SOS1: variants seen among roughly 807,000 people sequenced by gnomAD.
The protein encoded by SOS1 is son of sevenless homolog 1.
SOS1 carries 25 observed loss-of-function variants against 157.6 expected under a neutral mutation model. The ratio of observed to expected loss-of-function variants is 0.16; its 90% CI spans 0.12 to 0.22. The LOEUF (loss-of-function observed/expected upper bound fraction) is 0.22. SOS1 is among the 10% of genes least tolerant of loss of function. The pLI is 1.00. For synonymous variants in SOS1, 528 were observed against 534.0 expected, an observed-to-expected ratio of 0.99 and a Z score of 0.16; for missense variants, 1,237 against 1,599.1, an observed-to-expected ratio of 0.77 and a Z score of 3.86.
At chr2:39,000,335 T>C (rs1051557072) in intron 17 of SOS1, among the ~76,000 whole-genome samples, 3 of 152,228 alleles carry the variant, frequency 2.0e-5, no homozygotes, top group African/African-American at 7.2e-5. Flanking sequence ...TTTCTCCCTA[T>C]ATACACATAT....
In SOS1 at chr2:39,120,538, CCCCCTCCGGGCGCCGCGCA is replaced by C. The variant is rs1409676799; in HGVS notation, c.-135_-117del. The C allele has an allele frequency of 1.8e-6, 2 of 1,090,906 alleles. No individual in the cohort carries two copies. Among genetic ancestry groups the C allele is most frequent in the South Asian group, 4.4e-5 (1 of 22,712 alleles). 67.6% of individuals were successfully genotyped at this position (1,090,906 alleles called of 1,614,324 possible). On this transcript the variant is annotated 5_prime_UTR_variant, in exon 1 of 23. Transcript: ENST00000402219. ...GCCGCGGCCCCACCGGACGGCCCGG[CCCCCTCCGGGCGCCGCGCA>C]GCCGGGCTAGCCCTGGCGAGGGGGC...
chr2:39,033,221 GAA>G (rs11383706), intron 8 of SOS1, among the ~76,000 whole-genome samples: 1 of 124,456 alleles, frequency 8.0e-6, no homozygotes, highest in African/African-American at 3.0e-5. Flanking sequence ...TAGGTGTGCA[GAA>G]AAAAAAAAAA....
chr2:38,997,557 C>A, intron 17 of SOS1, 132 bp from the exon 18 acceptor site: 1 of 589,716 alleles, frequency 1.7e-6, no homozygotes, highest in Non-Finnish European at 2.9e-6. Context: ...CTCAGATTTC[C>A]ATGATATGAA....
At chr2:39,025,000 C>CAATA (rs1669910874) in intron 8 of SOS1, among the ~76,000 whole-genome samples, 1 of 152,168 alleles carries the variant, frequency 6.6e-6, no homozygotes, top group Non-Finnish European at 1.5e-5. Flanking sequence ...AACTAATTGT[C>CAATA]AATACAGTAA....
intron 17 of SOS1, 33 bp downstream of exon 17, chr2:39,006,379 A>G: frequency 1.0e-6 from 1 of 985,716 alleles, no homozygotes; most frequent in South Asian, 1.3e-5. Context: ...TTTTATCCAG[A>G]AATGCAATAA....
chr2:39,023,685 AAATAAAGGACACT>A (rs1339191117), intron 9 of SOS1: 4 of 296,420 alleles, frequency 1.3e-5, no homozygotes, highest in Non-Finnish European at 2.5e-5. Flanking sequence ...ATAATCCCTA[AAATAAAGGACACT>A]AATAATTTTA....
intron 1 of SOS1, among the ~76,000 whole-genome samples, chr2:39,102,947 C>T (rs143688362): frequency 0.011 from 1,696 of 151,608 alleles, 18 homozygotes; most frequent in Non-Finnish European, 0.017. Flanking sequence ...AGGGCGAGAC[C>T]CTGTCTCAAA....
intron 1 of SOS1, among the ~76,000 whole-genome samples, chr2:39,114,460 C>T (rs895748959): frequency 3.9e-5 from 6 of 152,004 alleles, no homozygotes; most frequent in East Asian, 1.9e-4. Flanking sequence ...TGCGCCACCA[C>T]GCCCAGCTAA....
intron 1 of SOS1, among the ~76,000 whole-genome samples, chr2:39,098,620 T>C (rs934873684): frequency 2.0e-5 from 3 of 152,244 alleles, no homozygotes; most frequent in African/African-American, 7.2e-5. Flanking sequence ...CCGGGTGCGG[T>C]GGCTCACGCC....
intron 1 of SOS1, among the ~76,000 whole-genome samples, chr2:39,081,928 G>A (rs1672214526): frequency 6.6e-6 from 1 of 151,888 alleles, no homozygotes. Flanking sequence ...AAAAAATTTT[G>A]TGGGTACATA....
chr2:39,067,804 A>G (rs1671641234), intron 1 of SOS1, 51 bp from the exon 2 acceptor site: 1 of 1,552,704 alleles, frequency 6.4e-7, no homozygotes, highest in Admixed American at 1.7e-5. Context: ...ATCATTAAAC[A>G]AATTTTTAAA....
chr2:39,057,491 A>G (rs1572859820), intron 3 of SOS1, among the ~76,000 whole-genome samples: 1 of 152,236 alleles, frequency 6.6e-6, no homozygotes, highest in East Asian at 1.9e-4. Context: ...AGAATAACAA[A>G]TTCTATTTTC....
At chr2:39,102,780 C>T (rs781146691) in intron 1 of SOS1, among the ~76,000 whole-genome samples, 3 of 151,798 alleles carry the variant, frequency 2.0e-5, no homozygotes. Flanking sequence ...CCCTGTCTTA[C>T]CAAAAATACA....
chr2:39,102,108 G>C (rs548550244), intron 1 of SOS1, among the ~76,000 whole-genome samples: 1 of 143,644 alleles, frequency 7.0e-6, no homozygotes, highest in East Asian at 2.1e-4. Context: ...GGGAGGCTGA[G>C]GCAGGAGAAT....
chr2:39,111,242 T>A (rs575843576), intron 1 of SOS1, among the ~76,000 whole-genome samples: 29 of 151,766 alleles, frequency 1.9e-4, no homozygotes, highest in South Asian at 8.3e-4. Context: ...CAAAAAAAAA[T>A]AATAATAATA....
At position 39,035,193 on chromosome 2, in the gene SOS1, CAAT is replaced by C. The variant is rs1481294009; in HGVS notation, c.1074+16_1074+18del. The stretch of plus-strand genomic sequence containing the variant: ...TCACACTTGAATATGTTACAAATAA[CAAT>C]AAAGAGTTTTCTTACCTTCAAAAGT... On this transcript the variant is annotated intron_variant, in intron 8 of 22. Transcript: ENST00000402219. 1.3e-6 allele frequency: 2 copies of C among 1,544,350 alleles called. No homozygotes were observed. The highest frequency in any genetic ancestry group is 1.8e-6 in the Non-Finnish European group (2 of 1,119,306).
rs757460662 is a variant in SOS1, at chr2:39,007,133, C to G, written c.2571G>C (p.Glu857Asp). ...ERVAVVSRII[E>D]ILQVFQELNN... ...TCAACTCTTGAAAGACTTGTAGAAT[C>G]TCAATAATTCGACTCACCACAGCTA... Residue 857 changes from glutamate (E) to aspartate (D), a missense_variant, in exon 16 of 23, where the codon GAG becomes GAC. Around this residue, in one of 15 missense-constraint regions of SOS1, gnomAD observed 105 missense variants for 236.0 expected, o/e 0.44. Transcript: ENST00000402219. 5.6e-6 allele frequency: 9 copies of G among 1,604,850 alleles called. No individual in the cohort carries two copies. The Admixed American group carries it at 1.5e-4, about 27-fold the overall frequency.
intron 1 of SOS1, among the ~76,000 whole-genome samples, chr2:39,090,359 A>G (rs1672547326): frequency 6.6e-6 from 1 of 152,120 alleles, no homozygotes; most frequent in African/African-American, 2.4e-5. Context: ...TGACATAGTA[A>G]CATAGTAACT....
chr2:39,072,998 G>A (rs545106075), intron 1 of SOS1, among the ~76,000 whole-genome samples: 2 of 152,246 alleles, frequency 1.3e-5, no homozygotes, highest in African/African-American at 4.8e-5. Context: ...ATGCTGTTAG[G>A]ATATTTCTTT....
Sources: allele counts gnomAD v4.1 joint callset (sites outside exome capture counted in the v4.1 genomes callset), GRCh38; gene constraint gnomAD v4.1.1; regional missense constraint gnomAD v4.1.1; transcripts MANE v1.5; gene names NCBI Gene and HGNC (gene_info 2026-07-23, HGNC 2026-07-21).